Variants in ADORA2B observed in about 807,000 individuals in gnomAD.
ADORA2B encodes adenosine A2b receptor.
In ADORA2B, 18 loss-of-function variants were observed where a neutral mutation model predicts 20.8. That is an observed-to-expected ratio of 0.87 (90% CI 0.60 to 1.29). The LOEUF (loss-of-function observed/expected upper bound fraction) is 1.29, where lower values mean the gene tolerates loss of function less well. ADORA2B is among the 50% of genes most tolerant of loss of function. The probability of loss-of-function intolerance (pLI) is 0.00; values close to 1 mark genes in which losing one functional copy is unlikely to be tolerated. For missense variants in ADORA2B, 441 were observed against 422.7 expected (o/e 1.04, Z -0.38); for synonymous variants, 179 against 178.3 (o/e 1.00, Z -0.03).
the ADORA2B span, among the ~76,000 whole-genome samples, chr17:15,867,324 C>A: frequency 1.3e-5 from 2 of 152,036 alleles, no homozygotes; most frequent in East Asian, 3.9e-4. Context: ...GGCCGCCATC[C>A]CATCTATGAA....
chr17:15,903,265 C>A, the ADORA2B span, among the ~76,000 whole-genome samples: 2 of 152,060 alleles, frequency 1.3e-5, no homozygotes, highest in Admixed American at 6.6e-5. Flanking sequence ...AAATAAAAGG[C>A]CTAGGTTCAA....
intron 1 of ADORA2B, among the ~76,000 whole-genome samples, chr17:15,952,506 C>T (rs1969918156): frequency 6.6e-6 from 1 of 152,178 alleles, no homozygotes. Flanking sequence ...CCTTAACCAT[C>T]ATGTGAGCAG....
In ADORA2B at chr17:15,945,560, C is replaced by A; in HGVS notation, c.312C>A (p.Tyr104Ter). 1.9e-6 allele frequency: 3 copies of A among 1,572,360 alleles called. No individual in the cohort carries two copies. Among genetic ancestry groups the A allele is most frequent in the South Asian group, 1.2e-5 (1 of 84,800 alleles). ...FSLLAVAVDR[Y>*]LAICVPLRYK... is the part of the protein sequence containing the mutation. ...TTCTGGCCGTGGCAGTCGACAGATA[C>A]CTGGCCATCTGTGTCCCGCTCAGGT... is the stretch of plus-strand genomic sequence containing the variant. Residue 104 changes from tyrosine (Y) to a stop codon, truncating the protein, a stop_gained, in exon 1 of 2, where the codon TAC becomes TAA. Transcript: ENST00000304222. LOFTEE classifies it high-confidence loss of function.
chr17:15,955,002 T>C (rs1969949119), intron 1 of ADORA2B, among the ~76,000 whole-genome samples: 1 of 150,256 alleles, frequency 6.7e-6, no homozygotes. Context: ...TAACTCTTAC[T>C]TTTTTTTTTC....
At chr17:15,958,360 GC>G (rs1969996500) in intron 1 of ADORA2B, among the ~76,000 whole-genome samples, 1 of 152,060 alleles carries the variant, frequency 6.6e-6, no homozygotes. Flanking sequence ...CTTCTCTTAG[GC>G]CCCATCTCCA....
intron 1 of ADORA2B, among the ~76,000 whole-genome samples, chr17:15,964,984 C>T (rs953584269): frequency 7.9e-5 from 12 of 151,914 alleles, no homozygotes; most frequent in Admixed American, 2.6e-4. Flanking sequence ...GGCGTGAACC[C>T]GGGAGGCGGA....
chr17:15,888,844 ATATATATTTTTTTTTTTT>A, the ADORA2B span, among the ~76,000 whole-genome samples: 4 of 16,940 alleles, frequency 2.4e-4, no homozygotes, highest in African/African-American at 1.5e-3. Context: ...ATATATATAT[ATATATATTTTTTTTTTTT>A]TTTTTTTTTT....
chr17:15,941,622 G>C (rs1050806583), upstream of ADORA2B, among the ~76,000 whole-genome samples: 18 of 152,070 alleles, frequency 1.2e-4, no homozygotes, highest in Admixed American at 7.9e-4. Context: ...TAGCCACTTG[G>C]GAGGCTGGGG....
the ADORA2B span, among the ~76,000 whole-genome samples, chr17:15,934,667 C>G: frequency 2.0e-5 from 3 of 152,058 alleles, no homozygotes; most frequent in Non-Finnish European, 4.4e-5. Context: ...TATAAAAAAG[C>G]TTTCTTCCTA....
At position 15,952,164 on chromosome 17, in the gene ADORA2B, G is replaced by A. The variant is rs534289346; in HGVS notation, c.335+6581G>A. On this transcript the variant is annotated intron_variant, in intron 1 of 1. Coordinates refer to ENST00000304222, the MANE Select transcript of ADORA2B (RefSeq NM_000676.4). The stretch of plus-strand genomic sequence containing the variant: ...TCCTTTCTCGGTGACCACGTGCAGG[G>A]CAGGACCCAATCCCTGTATCTCACT... Among the ~76,000 whole-genome samples the A allele has an allele frequency of 3.3e-5, 5 of 152,154 alleles. No individual in the cohort carries two copies. The South Asian group carries it at 1.0e-3, about 32-fold the overall frequency.
the ADORA2B span, among the ~76,000 whole-genome samples, chr17:15,929,265 C>T: frequency 6.6e-6 from 1 of 152,122 alleles, no homozygotes; most frequent in African/African-American, 2.4e-5. Flanking sequence ...TGTTTGAACC[C>T]TCTGGAGATG....
upstream of ADORA2B, among the ~76,000 whole-genome samples, chr17:15,942,496 C>G (rs1230410870): frequency 6.6e-6 from 1 of 152,126 alleles, no homozygotes; most frequent in East Asian, 1.9e-4. Flanking sequence ...AGATATTTCC[C>G]TATAGCAATG....
the ADORA2B span, among the ~76,000 whole-genome samples, chr17:15,876,459 T>C: frequency 6.6e-6 from 1 of 150,376 alleles, no homozygotes; most frequent in Admixed American, 6.6e-5. Context: ...CTTTTTTTTT[T>C]TTTTTGTCAT....
At chr17:15,889,347 A>G in the ADORA2B span, among the ~76,000 whole-genome samples, 1 of 129,740 alleles carries the variant, frequency 7.7e-6, no homozygotes, top group Non-Finnish European at 1.6e-5. Flanking sequence ...TGGATACTAA[A>G]TCTATTAATT....
the ADORA2B span, among the ~76,000 whole-genome samples, chr17:15,881,845 C>G: frequency 6.6e-6 from 1 of 152,204 alleles, no homozygotes; most frequent in Non-Finnish European, 1.5e-5. Context: ...CTTGTGTCTT[C>G]CAGAAACACA....
the ADORA2B span, among the ~76,000 whole-genome samples, chr17:15,867,268 T>TGC: frequency 1.3e-5 from 2 of 150,560 alleles, no homozygotes; most frequent in African/African-American, 4.9e-5. Flanking sequence ...GTGAGGAGCC[T>TGC]CTCTGCCTGG....
intron 1 of ADORA2B, among the ~76,000 whole-genome samples, chr17:15,957,534 A>G (rs768444757): frequency 1.4e-4 from 22 of 152,164 alleles, no homozygotes; most frequent in Admixed American, 1.3e-4. Flanking sequence ...AGACTCCAGG[A>G]TGACTCCCAG....
intron 1 of ADORA2B, among the ~76,000 whole-genome samples, chr17:15,971,875 CG>C (rs1312422439): frequency 6.6e-6 from 1 of 152,034 alleles, no homozygotes; most frequent in Non-Finnish European, 1.5e-5. Flanking sequence ...TCAAGTGATC[CG>C]CCTGCCTCGG....
At chr17:15,933,791 G>T in the ADORA2B span, among the ~76,000 whole-genome samples, 715 of 143,442 alleles carry the variant, frequency 5.0e-3, 10 homozygotes, top group African/African-American at 0.017. Context: ...TATATATATA[G>T]AGAGAGAGTT....
Sources: gnomAD v4.1 joint callset for allele counts (sites outside exome capture counted in the v4.1 genomes callset) on GRCh38, gnomAD v4.1.1 for gene constraint, MANE v1.5 for transcripts, NCBI Gene and HGNC (gene_info 2026-07-23, HGNC 2026-07-21) for gene names.